The following ATXN2L variants were observed in gnomAD, a reference collection of about 807,000 sequenced individuals.
ATXN2L encodes ataxin 2 like, also known as ataxin-2-like protein.
In ATXN2L, 24 loss-of-function variants were observed where a neutral mutation model predicts 120.7. The ratio of observed to expected loss-of-function variants is 0.20; its 90% CI spans 0.14 to 0.28. ATXN2L has a LOEUF of 0.28. Among genes scored for constraint, ATXN2L ranks in the 10% least tolerant of loss-of-function variants. The probability of loss-of-function intolerance (pLI) is 1.00; values close to 1 mark genes in which losing one functional copy is unlikely to be tolerated. For missense variants in ATXN2L, 1,312 were observed against 1,432.3 expected (o/e 0.92, Z 1.36); for synonymous variants, 653 against 568.1 (o/e 1.15, Z -2.13).
At position 28,826,670 on chromosome 16, in the gene ATXN2L, A is replaced by G. The variant is rs1238406631; in HGVS notation, c.617-192A>G. ...TAACTTCTTTTTTCTTTGGAATCATAGTACTGATAGACTTTTTATACTCTT... is the reference window on the plus strand; with the variant it reads ...TAACTTCTTTTTTCTTTGGAATCATGGTACTGATAGACTTTTTATACTCTT... On this transcript the variant is annotated intron_variant, in intron 5 of 21. Transcript: ENST00000336783. 5 of 683,072 alleles carry G rather than the reference A, an allele frequency of 7.3e-6. No individual in the cohort carries two copies. In the Admixed American group the frequency reaches 1.3e-4, roughly 18 times the overall value. The allele number at this position is 683,072 out of a possible 1,614,324, so 42.3% of individuals were successfully genotyped here.
At position 28,825,411 on chromosome 16, in the gene ATXN2L, C is replaced by T; in HGVS notation, c.336+9C>T. The stretch of plus-strand genomic sequence containing the variant: ...GACCCCCACAGTCACCTGTGAGTGT[C>T]TTCTCCCACCCTGTTTAAGATACAT... On this transcript the variant is annotated intron_variant, in intron 2 of 21. Transcript: ENST00000336783. 1.2e-6 allele frequency: 2 copies of T among 1,613,252 alleles called. No homozygotes were observed. Among genetic ancestry groups the T allele is most frequent in the Non-Finnish European group, 1.7e-6 (2 of 1,179,496 alleles).
At position 28,836,801 on chromosome 16, in the gene ATXN2L, G is replaced by A. The variant is rs749399935; in HGVS notation, c.*536G>A. 1 of 1,613,764 alleles carries A rather than the reference G, an allele frequency of 6.2e-7. No individual in the cohort carries two copies. The highest frequency in any genetic ancestry group is 8.5e-7 in the Non-Finnish European group (1 of 1,179,864). ...GAAGATTGTCCTGGCCGCGACCTGAGACCTCCATGAGTGGAGGGAAGAGTG... is the reference window on the plus strand; with the variant it reads ...GAAGATTGTCCTGGCCGCGACCTGAAACCTCCATGAGTGGAGGGAAGAGTG... On this transcript the variant is annotated 3_prime_UTR_variant, in exon 22 of 22. Transcript: ENST00000336783.
intron 12 of ATXN2L, 59 bp downstream of exon 12, chr16:28,832,626 T>C: frequency 6.4e-7 from 1 of 1,565,626 alleles, no homozygotes; most frequent in South Asian, 1.1e-5. Flanking sequence ...GGAGAGTATT[T>C]CAGTTAGGAA....
At chr16:28,824,196 C>T (rs2050809682) in intron 1 of ATXN2L, 2 of 1,031,332 alleles carry the variant, frequency 1.9e-6, no homozygotes, top group African/African-American at 3.5e-5. Flanking sequence ...ATTCGCGCGC[C>T]CCGGGAACAC....
Position 28,834,670 on chromosome 16 carries a change from C to A in ATXN2L, c.2410C>A (p.Pro804Thr). 6.2e-7 allele frequency: 1 copy of A among 1,613,452 alleles called. No homozygotes were observed. The highest frequency in any genetic ancestry group is 8.5e-7 in the Non-Finnish European group (1 of 1,179,694). ...CCCAGGCCAGCCAGCCATGATGCAGCCCATGGCCCACTACCCCTCACAGGT... is the reference window on the plus strand; with the variant it reads ...CCCAGGCCAGCCAGCCATGATGCAGACCATGGCCCACTACCCCTCACAGGT... ...QFPGQPAMMQPMAHYPSQPVF... is the reference protein window; with the variant it reads ...QFPGQPAMMQTMAHYPSQPVF... The change falls in exon 18 of 22, where the codon CCC (proline) becomes ACC (threonine). Residue 804 changes from proline to threonine, a missense_variant. Transcript: ENST00000336783.
At position 28,836,995 on chromosome 16, in the gene ATXN2L, C is replaced by A; in HGVS notation, c.*730C>A. ...GGTTCCTGCTCTGCCCCTGCCCGTC[C>A]CCACCCAGTCTTGCCCTCCCATCCT... is the stretch of plus-strand genomic sequence containing the variant. On this transcript the variant is annotated 3_prime_UTR_variant, in exon 22 of 22. Transcript: ENST00000336783. The A allele has an allele frequency of 1.5e-6, 1 of 664,596 alleles. No homozygotes were observed. Among genetic ancestry groups the A allele is most frequent in the Non-Finnish European group, 2.7e-6 (1 of 366,050 alleles). 41.2% of individuals were successfully genotyped at this position (664,596 alleles called of 1,614,324 possible).
intron 1 of ATXN2L, chr16:28,824,767 C>T (rs1416685392): frequency 1.7e-5 from 4 of 233,484 alleles, no homozygotes; most frequent in African/African-American, 7.1e-5. Context: ...CTGTTGGTAG[C>T]CTGCAGCCCT....
intron 12 of ATXN2L, 41 bp from the exon 13 acceptor site, chr16:28,832,776 G>T: frequency 6.2e-7 from 1 of 1,602,158 alleles, no homozygotes; most frequent in Non-Finnish European, 8.6e-7. Flanking sequence ...CTTAGAGAAA[G>T]AATGTTTTGT....
Position 28,833,058 on chromosome 16 carries a change from G to C in ATXN2L, c.1660-1G>C. The C allele has an allele frequency of 6.2e-7, 1 of 1,613,360 alleles. No homozygotes were observed. Among genetic ancestry groups the C allele is most frequent in the Non-Finnish European group, 8.5e-7 (1 of 1,179,516 alleles). On this transcript the variant is annotated splice_acceptor_variant, in intron 13 of 21. Coordinates refer to ENST00000336783, the MANE Select transcript of ATXN2L (RefSeq NM_007245.4). LOFTEE classifies it high-confidence loss of function. Reference sequence around the variant, plus strand: ...GGACTGTGTGTGTTTCTCTCTTCCAGCTTCAGCCCAGTAGCTCCCCTGAGA... The same window carrying C: ...GGACTGTGTGTGTTTCTCTCTTCCACCTTCAGCCCAGTAGCTCCCCTGAGA...
intron 1 of ATXN2L, chr16:28,824,303 T>G (rs2050876801): frequency 7.6e-6 from 9 of 1,191,116 alleles, no homozygotes; most frequent in South Asian, 4.6e-5. Context: ...GTGTGTGTGT[T>G]AATGGAATTA....
At chr16:28,823,605 C>CT (rs936108811) in intron 1 of ATXN2L, 47 bp downstream of exon 1, 1 of 1,288,496 alleles carries the variant, frequency 7.8e-7, no homozygotes, top group Non-Finnish European at 9.8e-7. Context: ...CACCCAGAGG[C>CT]TGTGGCTCGG....
chr16:28,836,402 C>T lies in ATXN2L; in HGVS notation c.*137C>T. On this transcript the variant is annotated 3_prime_UTR_variant, in exon 22 of 22. Transcript: ENST00000336783. The stretch of plus-strand genomic sequence containing the variant: ...GCTCTGTCCTTTGCTTCCCTCCGTC[C>T]TCGCTCAGTTGTGATCCAGCAGCCC... 6.2e-7 allele frequency: 1 copy of T among 1,613,442 alleles called. No individual in the cohort carries two copies. The highest frequency in any genetic ancestry group is 8.5e-7 in the Non-Finnish European group (1 of 1,179,902).
intron 11 of ATXN2L, 43 bp from the exon 12 acceptor site, chr16:28,832,453 T>A: frequency 6.2e-7 from 1 of 1,612,720 alleles, no homozygotes. Flanking sequence ...GATTTGTGGT[T>A]CTGGACAGAA....
chr16:28,823,887 C>G (rs1024486321), intron 1 of ATXN2L: 1 of 288,878 alleles, frequency 3.5e-6, no homozygotes, highest in African/African-American at 2.2e-5. Context: ...GTCCCCGGTT[C>G]CATTACCACG....
In ATXN2L at chr16:28,834,444, G is replaced by A. The variant is rs774558116; in HGVS notation, c.2245+29G>A. The A allele has an allele frequency of 2.4e-5, 38 of 1,613,416 alleles. No individual in the cohort carries two copies. The Middle Eastern group carries it at 4.9e-4, about 21-fold the overall frequency. On this transcript the variant is annotated intron_variant, in intron 17 of 21. Transcript: ENST00000336783. ...AGCAGGGCTGGGAGGGGCAGGCGGC[G>A]AGGCTGCCAAGGGCCTACTGGCAGG...
intron 10 of ATXN2L, among the ~76,000 whole-genome samples, chr16:28,831,532 G>A (rs1334602280): frequency 6.6e-6 from 1 of 151,990 alleles, no homozygotes; most frequent in Non-Finnish European, 1.5e-5. Context: ...GTTTTATTAT[G>A]TTGGCCAGGC....
Position 28,833,425 on chromosome 16 carries a change from A to C in ATXN2L, c.1956-14A>C. 1 of 1,614,136 alleles carries C rather than the reference A, an allele frequency of 6.2e-7. No individual in the cohort carries two copies. The highest frequency in any genetic ancestry group is 8.5e-7 in the Non-Finnish European group (1 of 1,179,974). Reference sequence around the variant, plus strand: ...AGAGCAAGCCGTGAAGATTTACTGTACTTTCTCTCACAGACAAGTAAAGAA... The same window carrying C: ...AGAGCAAGCCGTGAAGATTTACTGTCCTTTCTCTCACAGACAAGTAAAGAA... On this transcript the variant is annotated splice_polypyrimidine_tract_variant and intron_variant, in intron 14 of 21. Transcript: ENST00000336783.
chr16:28,825,891 A>G, intron 4 of ATXN2L, 50 bp downstream of exon 4: 1 of 1,506,046 alleles, frequency 6.6e-7, no homozygotes. Context: ...GTAGGAGGAG[A>G]ATGAAATAGG....
chr16:28,825,522 C>T, intron 2 of ATXN2L, 102 bp from the exon 3 acceptor site: 2 of 1,532,168 alleles, frequency 1.3e-6, no homozygotes, highest in Admixed American at 3.3e-5. Context: ...GTGGGCCCGG[C>T]ACACACAAGG....
Sources: allele counts gnomAD v4.1 joint callset (sites outside exome capture counted in the v4.1 genomes callset), GRCh38; gene constraint gnomAD v4.1.1; transcripts MANE v1.5; gene names NCBI Gene and HGNC (gene_info 2026-07-23, HGNC 2026-07-21).